The following CNBD1 variants were observed in gnomAD, a reference collection of about 807,000 sequenced individuals.
CNBD1 encodes cyclic nucleotide binding domain containing 1.
In CNBD1, 71 loss-of-function variants were observed where a neutral mutation model predicts 54.4. That is an observed-to-expected ratio of 1.30 (90% CI 1.08 to 1.59). The LOEUF (loss-of-function observed/expected upper bound fraction) is 1.59. CNBD1 is among the 40% of genes most tolerant of loss of function. The pLI, the probability that CNBD1 is intolerant of heterozygous loss-of-function variation, is 0.00. For synonymous variants in CNBD1, 182 were observed against 170.7 expected (o/e 1.07, Z -0.51); for missense variants, 659 against 518.0 (o/e 1.27, Z -2.64).
At chr8:87,225,542 T>A (rs1814463637) in intron 5 of CNBD1, among the ~76,000 whole-genome samples, 1 of 151,234 alleles carries the variant, frequency 6.6e-6, no homozygotes, top group Non-Finnish European at 1.5e-5. Context: ...TGGATTACAT[T>A]TATTGATTTG....
At chr8:87,206,290 A>G (rs902203443) in intron 5 of CNBD1, among the ~76,000 whole-genome samples, 152 bp downstream of exon 5, 1 of 152,194 alleles carries the variant, frequency 6.6e-6, no homozygotes, top group Admixed American at 6.5e-5. Flanking sequence ...GTAAGTTTAT[A>G]AGTAGTGAAA....
At chr8:86,986,656 T>C (rs561152931) in intron 4 of CNBD1, among the ~76,000 whole-genome samples, 47 of 152,346 alleles carry the variant, frequency 3.1e-4, no homozygotes, top group Middle Eastern at 3.4e-3. Context: ...GTATTACATT[T>C]AAATCTTTAA....
In CNBD1 at chr8:87,088,074, G is replaced by T. The variant is rs865801006; in HGVS notation, c.432-117919G>T. ...CTGCAGTAATACATTGATGGCAAAA[G>T]TTCCATCCTCCTTTTCAAAGGCCTA... On this transcript the variant is annotated intron_variant, in intron 4 of 10. Transcript: ENST00000518476. Among the ~76,000 whole-genome samples the T allele has an allele frequency of 1.3e-5, 2 of 152,196 alleles. 1 individual carries two copies. Among genetic ancestry groups the T allele is most frequent in the South Asian group, 4.1e-4 (2 of 4,832 alleles).
chr8:87,265,773 T>A (rs1808243388), intron 6 of CNBD1, among the ~76,000 whole-genome samples: 1 of 152,112 alleles, frequency 6.6e-6, no homozygotes, highest in South Asian at 2.1e-4. Flanking sequence ...ACAGAAACTA[T>A]ATGGTCTGCA....
At chr8:87,045,552 C>T (rs1045916794) in intron 4 of CNBD1, among the ~76,000 whole-genome samples, 4 of 151,654 alleles carry the variant, frequency 2.6e-5, no homozygotes, top group Admixed American at 6.6e-5. Flanking sequence ...GGTAAAACCC[C>T]GTCTCTACTA....
chr8:87,271,926 T>TA (rs1337127704), intron 6 of CNBD1, among the ~76,000 whole-genome samples: 1 of 151,786 alleles, frequency 6.6e-6, no homozygotes, highest in Non-Finnish European at 1.5e-5. Flanking sequence ...TAATCAGCCA[T>TA]AAAAAAATAA....
intron 4 of CNBD1, among the ~76,000 whole-genome samples, chr8:87,067,188 C>T (rs1015694215): frequency 2.0e-4 from 31 of 151,906 alleles, no homozygotes; most frequent in Non-Finnish European, 2.2e-4. Context: ...AATATGTCTA[C>T]GTCTGGTGCT....
chr8:87,421,175 C>G (rs955075171), intron 2 of CNBD1, among the ~76,000 whole-genome samples: 4 of 151,940 alleles, frequency 2.6e-5, no homozygotes, highest in Admixed American at 2.6e-4. Context: ...TTATCTCTGC[C>G]TCTAAAATTA....
At chr8:87,313,943 T>C (rs1809328147) in intron 8 of CNBD1, among the ~76,000 whole-genome samples, 1 of 151,972 alleles carries the variant, frequency 6.6e-6, no homozygotes. Context: ...TAAACTGTTT[T>C]TACCTTGTGT....
rs556207064 is a variant in CNBD1, at chr8:87,043,290, C to T, written c.431+103536C>T. 3.9e-5 allele frequency among the ~76,000 whole-genome samples: 6 copies of T among 152,272 alleles called. No homozygotes were observed. In the South Asian group the frequency reaches 8.3e-4, roughly 21 times the overall value. ...CCTCCCTGACCTGGGCTTCCCTCCT[C>T]ATAGTTGCTTACTCATCAGGACTCC... On this transcript the variant is annotated intron_variant, in intron 4 of 10. Coordinates refer to ENST00000518476, the MANE Select transcript of CNBD1 (RefSeq NM_173538.3).
intron 4 of CNBD1, among the ~76,000 whole-genome samples, chr8:87,056,005 G>A (rs1286931069): frequency 6.6e-6 from 1 of 151,094 alleles, no homozygotes; most frequent in Non-Finnish European, 1.5e-5. Context: ...GGTAATATTT[G>A]TGGAGCACTT....
chr8:87,112,810 A>T (rs1811691536), intron 4 of CNBD1, among the ~76,000 whole-genome samples: 2 of 152,138 alleles, frequency 1.3e-5, no homozygotes, highest in South Asian at 2.1e-4. Context: ...TCAGTTTTAG[A>T]ATCCCATCCT....
At chr8:86,896,835 T>C (rs1808854686) in intron 2 of CNBD1, among the ~76,000 whole-genome samples, 2 of 152,202 alleles carry the variant, frequency 1.3e-5, no homozygotes, top group South Asian at 2.1e-4. Flanking sequence ...CAAAAGAAGA[T>C]TGATACCTAA....
chr8:86,923,799 GA>G (rs2131827277), intron 3 of CNBD1, among the ~76,000 whole-genome samples: 1 of 152,238 alleles, frequency 6.6e-6, no homozygotes, highest in South Asian at 2.1e-4. Flanking sequence ...ACAAGCCATA[GA>G]ATAAAGAGAG....
intron 4 of CNBD1, among the ~76,000 whole-genome samples, chr8:86,953,611 A>C (rs1442369818): frequency 6.6e-6 from 1 of 152,186 alleles, no homozygotes; most frequent in Non-Finnish European, 1.5e-5. Flanking sequence ...TCATGCCTGT[A>C]ATCCCAGCAC....
chr8:87,001,690 T>C (rs1808996489), intron 4 of CNBD1, among the ~76,000 whole-genome samples: 1 of 152,204 alleles, frequency 6.6e-6, no homozygotes, highest in Non-Finnish European at 1.5e-5. Context: ...TCATGCATAA[T>C]TAAGGATGAA....
At chr8:87,104,472 G>T (rs1811493266) in intron 4 of CNBD1, among the ~76,000 whole-genome samples, 1 of 152,196 alleles carries the variant, frequency 6.6e-6, no homozygotes, top group Non-Finnish European at 1.5e-5. Flanking sequence ...GGCAGGACTT[G>T]GTATGGAGAC....
intron 4 of CNBD1, among the ~76,000 whole-genome samples, chr8:86,948,070 G>A (rs1807510026): frequency 6.6e-6 from 1 of 152,200 alleles, no homozygotes; most frequent in African/African-American, 2.4e-5. Flanking sequence ...TTCCATCCAT[G>A]TTGTTGCAAA....
chr8:87,415,620 C>T (rs946070276), intron 2 of CNBD1, among the ~76,000 whole-genome samples: 2 of 151,946 alleles, frequency 1.3e-5, no homozygotes, highest in African/African-American at 4.8e-5. Context: ...GGAAATCTAA[C>T]TACACACTGG....
Sources: allele counts gnomAD v4.1 joint callset (sites outside exome capture counted in the v4.1 genomes callset), GRCh38; gene constraint gnomAD v4.1.1; transcripts MANE v1.5; gene names NCBI Gene and HGNC (gene_info 2026-07-23, HGNC 2026-07-21).